Variants in RFX8 observed in about 807,000 individuals in gnomAD.
RFX8 encodes the protein DNA-binding protein RFX8.
A neutral mutation model predicts 54.6 loss-of-function variants in RFX8; 46 were observed. The ratio of observed to expected loss-of-function variants is 0.84; its 90% CI spans 0.67 to 1.08. The LOEUF (loss-of-function observed/expected upper bound fraction) is 1.08, where lower values mean the gene tolerates loss of function less well. RFX8 is among the 50% of genes least tolerant of loss of function. RFX8 has a pLI of 0.00. For synonymous variants in RFX8, 192 were observed against 209.5 expected (o/e 0.92, Z 0.72); for missense variants, 536 against 562.3 (o/e 0.95, Z 0.47).
At chr2:101,459,259 C>T (rs1056713026) in intron 2 of RFX8, among the ~76,000 whole-genome samples, 1 of 152,144 alleles carries the variant, frequency 6.6e-6, no homozygotes, top group African/African-American at 2.4e-5. Flanking sequence ...CCGTTGCTGG[C>T]GAGGAGCTGC....
At chr2:101,472,196 G>A (rs1175007629) in intron 1 of RFX8, among the ~76,000 whole-genome samples, 1 of 152,146 alleles carries the variant, frequency 6.6e-6, no homozygotes. Context: ...CACCTCCCAG[G>A]TTCAAGCGAT....
chr2:101,441,005 C>T (rs1688071343), intron 2 of RFX8, among the ~76,000 whole-genome samples: 3 of 126,092 alleles, frequency 2.4e-5, no homozygotes, highest in Admixed American at 9.5e-5. Flanking sequence ...CTTGCTCTGT[C>T]GCCCAGGCTG....
chr2:101,402,094 A>C (rs1685469959), intron 11 of RFX8, among the ~76,000 whole-genome samples: 1 of 152,232 alleles, frequency 6.6e-6, no homozygotes, highest in African/African-American at 2.4e-5. Context: ...TTTGAACACT[A>C]GGGGAATTTT....
intron 11 of RFX8, among the ~76,000 whole-genome samples, chr2:101,402,174 G>A (rs1573340559): frequency 6.6e-6 from 1 of 152,200 alleles, no homozygotes; most frequent in Non-Finnish European, 1.5e-5. Flanking sequence ...GGCACACTCT[G>A]GGAAGGCAAG....
At chr2:101,458,159 T>TA (rs774494705) in intron 2 of RFX8, among the ~76,000 whole-genome samples, 18 of 152,220 alleles carry the variant, frequency 1.2e-4, no homozygotes, top group South Asian at 6.2e-4. Flanking sequence ...CATGATTCTT[T>TA]ATCCAATTTG....
At chr2:101,465,538 A>C (rs1008548714) in intron 2 of RFX8, among the ~76,000 whole-genome samples, 1 of 152,112 alleles carries the variant, frequency 6.6e-6, no homozygotes, top group Non-Finnish European at 1.5e-5. Flanking sequence ...ACAAACAAAC[A>C]AAAAAACACA....
intron 2 of RFX8, among the ~76,000 whole-genome samples, chr2:101,446,348 G>C (rs980877301): frequency 1.4e-4 from 21 of 151,934 alleles, no homozygotes; most frequent in Admixed American, 3.9e-4. Flanking sequence ...GCTAATTTTT[G>C]TATTTGTGGT....
chr2:101,471,128 G>A (rs1689960716), intron 1 of RFX8, among the ~76,000 whole-genome samples: 1 of 151,986 alleles, frequency 6.6e-6, no homozygotes, highest in Non-Finnish European at 1.5e-5. Flanking sequence ...GAGGTCAGGA[G>A]TTCAAGGCCA....
intron 1 of RFX8, chr2:101,474,286 C>T: frequency 1.8e-6 from 1 of 553,532 alleles, no homozygotes. Context: ...GGCTCGGCCC[C>T]GGGCCTGCAG....
At chr2:101,470,556 C>G (rs940997043) in intron 1 of RFX8, among the ~76,000 whole-genome samples, 1 of 152,126 alleles carries the variant, frequency 6.6e-6, no homozygotes, top group African/African-American at 2.4e-5. Context: ...CGTAATAACA[C>G]TATTTTCCTG....
At chr2:101,424,048 G>A (rs891914623) in intron 2 of RFX8, among the ~76,000 whole-genome samples, 6 of 152,188 alleles carry the variant, frequency 3.9e-5, no homozygotes, top group East Asian at 1.9e-4. Flanking sequence ...AAGATGCCAC[G>A]TTAAAACTTC....
intron 2 of RFX8, among the ~76,000 whole-genome samples, chr2:101,454,112 T>G (rs150084371): frequency 0.029 from 4,337 of 151,494 alleles, 97 homozygotes; most frequent in South Asian, 0.049. Flanking sequence ...GTGCTCTCAT[T>G]GTTCAATTCC....
chr2:101,430,692 G>A (rs1687435967), intron 2 of RFX8, among the ~76,000 whole-genome samples: 1 of 152,196 alleles, frequency 6.6e-6, no homozygotes, highest in Non-Finnish European at 1.5e-5. Context: ...GACAGCCCAT[G>A]AGAATGCATC....
chr2:101,431,414 C>A (rs1350777145), intron 2 of RFX8, among the ~76,000 whole-genome samples: 6 of 152,200 alleles, frequency 3.9e-5, no homozygotes, highest in African/African-American at 1.2e-4. Context: ...CAGTGCACAT[C>A]TCTGTCAATT....
intron 11 of RFX8, among the ~76,000 whole-genome samples, chr2:101,400,109 C>T (rs202072219): frequency 1.3e-5 from 2 of 152,282 alleles, no homozygotes; most frequent in South Asian, 2.1e-4. Context: ...CGCTCAGCTC[C>T]GGGAGACTGT....
chr2:101,429,989 C>T (rs1361084545), intron 2 of RFX8, among the ~76,000 whole-genome samples: 1 of 152,174 alleles, frequency 6.6e-6, no homozygotes, highest in Non-Finnish European at 1.5e-5. Context: ...ATTCTCCAAA[C>T]CAAGTCATAG....
chr2:101,473,516 T>C (rs1043693674), intron 1 of RFX8, among the ~76,000 whole-genome samples: 1 of 152,238 alleles, frequency 6.6e-6, no homozygotes, highest in Non-Finnish European at 1.5e-5. Flanking sequence ...CCCTTCATTT[T>C]TGTTTCACTC....
intron 2 of RFX8, among the ~76,000 whole-genome samples, chr2:101,464,282 G>A (rs1029402616): frequency 1.4e-4 from 21 of 152,168 alleles, no homozygotes; most frequent in Admixed American, 8.5e-4. Flanking sequence ...GATGTAGTCC[G>A]TTTATAATCA....
chr2:101,442,180 C>T (rs966024624), intron 2 of RFX8, among the ~76,000 whole-genome samples: 1 of 152,096 alleles, frequency 6.6e-6, no homozygotes, highest in Non-Finnish European at 1.5e-5. Flanking sequence ...ATCTTTTTTC[C>T]ATTTAGGCCT....
Sources: allele counts gnomAD v4.1 joint callset (sites outside exome capture counted in the v4.1 genomes callset), GRCh38; gene constraint gnomAD v4.1.1; transcripts MANE v1.5; gene names NCBI Gene and HGNC (gene_info 2026-07-23, HGNC 2026-07-21).